OLAH: variants seen among roughly 807,000 people sequenced by gnomAD.
OLAH encodes the protein oleoyl-ACP hydrolase, also known as S-acyl fatty acid synthase thioesterase, medium chain.
Under a neutral mutation model 27.8 loss-of-function variants are expected in OLAH, and 33 were observed. The observed-to-expected ratio is 1.19, with a 90% confidence interval of 0.90 to 1.59. OLAH has a LOEUF of 1.59. Ranked by LOEUF, OLAH falls within the 40% of genes most tolerant of loss-of-function variation. The probability of loss-of-function intolerance (pLI) is 0.00; values close to 1 mark genes in which losing one functional copy is unlikely to be tolerated. For missense variants in OLAH, 359 were observed against 310.8 expected (o/e 1.16, Z -1.17); for synonymous variants, 120 against 102.9 (o/e 1.17, Z -1.01).
chr10:15,046,325 T>TAA (rs1437772940), intron 1 of OLAH, among the ~76,000 whole-genome samples: 1 of 66,268 alleles, frequency 1.5e-5, no homozygotes, highest in Admixed American at 1.3e-4. Context: ...CAAAAAAATA[T>TAA]AAATAAATAA....
chr10:15,057,823 G>A (rs1318914187), intron 3 of OLAH, among the ~76,000 whole-genome samples: 1 of 152,108 alleles, frequency 6.6e-6, no homozygotes, highest in Non-Finnish European at 1.5e-5. Flanking sequence ...ATGAGTATCT[G>A]CGAGTCCATG....
chr10:15,059,465 G>T (rs1454957285), intron 3 of OLAH, among the ~76,000 whole-genome samples: 2 of 151,808 alleles, frequency 1.3e-5, no homozygotes, highest in African/African-American at 2.4e-5. Flanking sequence ...GGGATTACAG[G>T]CATGAGCCAC....
chr10:15,039,023 G>C (rs1159563180), upstream of OLAH, among the ~76,000 whole-genome samples: 1 of 152,102 alleles, frequency 6.6e-6, no homozygotes, highest in Non-Finnish European at 1.5e-5. Context: ...AGGAATTCGA[G>C]ACCAGCCTGG....
intron 3 of OLAH, among the ~76,000 whole-genome samples, chr10:15,057,425 T>C (rs1844268568): frequency 7.5e-6 from 1 of 134,086 alleles, no homozygotes. Context: ...TGAGATGGAG[T>C]CTCGCTCTGG....
At chr10:15,050,628 G>A (rs965570922) in intron 3 of OLAH, among the ~76,000 whole-genome samples, 9 of 143,380 alleles carry the variant, frequency 6.3e-5, no homozygotes, top group South Asian at 2.2e-4. Context: ...TCCAAGCTCC[G>A]CTTCCGGGTT....
Position 15,071,846 on chromosome 10 carries a change from T to C in OLAH, c.624T>C (p.Val208=). 1 of 1,613,534 alleles carries C rather than the reference T, an allele frequency of 6.2e-7. No individual in the cohort carries two copies. Among genetic ancestry groups the C allele is most frequent in the Middle Eastern group, 1.7e-4 (1 of 6,060 alleles). ...AVLSCDLTCF[V]GSEDIAKDME... ...TTTCCTGTGACTTGACATGTTTTGT[T>C]GGATCTGAAGACATAGCAAAGGACA... Residue 208 remains valine (V), a synonymous_variant, in exon 7 of 8, where the codon GTT becomes GTC. Transcript: ENST00000378228.
Position 15,061,761 on chromosome 10 carries a change from T to G in OLAH, c.201T>G (p.Val67=). ...GGCTTCCTGGAAGAGAAAGCAGAGTTGAAGAACCTCTTGAAAATGACATCT... is the reference window on the plus strand; with the variant it reads ...GGCTTCCTGGAAGAGAAAGCAGAGTGGAAGAACCTCTTGAAAATGACATCT... ...SLRLPGRESR[V]EEPLENDISQ... The change falls in exon 4 of 8, where the codon GTT becomes GTG. Residue 67 remains valine, a synonymous_variant. Transcript: ENST00000378228. 1.9e-6 allele frequency: 3 copies of G among 1,613,660 alleles called. No individual in the cohort carries two copies. The highest frequency in any genetic ancestry group is 1.7e-6 in the Non-Finnish European group (2 of 1,179,830).
At chr10:15,035,115 T>C (rs1336457544) in intron 1 of OLAH, among the ~76,000 whole-genome samples, 1 of 152,070 alleles carries the variant, frequency 6.6e-6, no homozygotes, top group African/African-American at 2.4e-5. Context: ...TTCATTGAAC[T>C]CCCAGAAGTA....
chr10:15,072,717 G>T (rs985139183), intron 7 of OLAH, among the ~76,000 whole-genome samples: 1 of 151,698 alleles, frequency 6.6e-6, no homozygotes, highest in Non-Finnish European at 1.5e-5. Flanking sequence ...TCTTTCTGGC[G>T]GCCGGAAGCA....
upstream of OLAH, among the ~76,000 whole-genome samples, chr10:15,043,655 G>A (rs907421272): frequency 5.9e-5 from 9 of 151,776 alleles, no homozygotes; most frequent in Middle Eastern, 6.8e-3. Context: ...TTTAGTAGAG[G>A]TGGAGTTTCA....
At chr10:15,064,618 G>A (rs1388320220) in intron 5 of OLAH, 116 bp downstream of exon 5, 2 of 607,126 alleles carry the variant, frequency 3.3e-6, no homozygotes, top group East Asian at 3.2e-5. Context: ...ATGATGGTGG[G>A]GATACTAATA....
chr10:15,052,643 G>C (rs891057965), intron 3 of OLAH, among the ~76,000 whole-genome samples: 1 of 135,558 alleles, frequency 7.4e-6, no homozygotes, highest in Non-Finnish European at 1.6e-5. Flanking sequence ...TTGTTGTCTT[G>C]CTTCAGATTT....
At chr10:15,032,620 CAAAA>C (rs71390005) in intron 1 of OLAH, among the ~76,000 whole-genome samples, 2 of 95,654 alleles carry the variant, frequency 2.1e-5, no homozygotes, top group Non-Finnish European at 4.0e-5. Context: ...GACTCAGTTT[CAAAA>C]AAAAAAAAAA....
At chr10:15,046,996 C>T (rs1306049143) in intron 1 of OLAH, 130 bp from the exon 2 acceptor site, 1 of 308,812 alleles carries the variant, frequency 3.2e-6, no homozygotes, top group South Asian at 6.9e-5. Context: ...GGTGGTGACT[C>T]CTTATCTGAA....
At chr10:15,050,180 G>A (rs1022974371) in intron 3 of OLAH, among the ~76,000 whole-genome samples, 4 of 152,216 alleles carry the variant, frequency 2.6e-5, no homozygotes, top group Non-Finnish European at 5.9e-5. Context: ...CACTTTGGGA[G>A]GCTGAGGCAG....
chr10:15,050,868 C>T (rs1844124652), intron 3 of OLAH, among the ~76,000 whole-genome samples: 1 of 151,968 alleles, frequency 6.6e-6, no homozygotes, highest in Non-Finnish European at 1.5e-5. Flanking sequence ...CAGATGTGAG[C>T]CACTGCAGCC....
At chr10:15,059,750 G>C (rs1329312959) in intron 3 of OLAH, among the ~76,000 whole-genome samples, 6 of 152,168 alleles carry the variant, frequency 3.9e-5, no homozygotes, top group Non-Finnish European at 7.3e-5. Context: ...AGGTTGTAGT[G>C]AGCCAAGATG....
At chr10:15,058,149 A>G (rs947448004) in intron 3 of OLAH, among the ~76,000 whole-genome samples, 2 of 152,172 alleles carry the variant, frequency 1.3e-5, no homozygotes. Context: ...TCCAGTTTAA[A>G]AAGTATTGTT....
chr10:15,071,454 G>A, intron 6 of OLAH: 1 of 908,252 alleles, frequency 1.1e-6, no homozygotes, highest in Non-Finnish European at 1.3e-6. Context: ...ACCCTCTGCT[G>A]GGCCAAGGAG....
Sources: gnomAD v4.1 joint callset for allele counts (sites outside exome capture counted in the v4.1 genomes callset) on GRCh38, gnomAD v4.1.1 for gene constraint, MANE v1.5 for transcripts, NCBI Gene and HGNC (gene_info 2026-07-23, HGNC 2026-07-21) for gene names.